The following MELK variants were observed in gnomAD, a reference collection of about 807,000 sequenced individuals.
The protein encoded by MELK is maternal embryonic leucine zipper kinase, also known as pEg3 kinase.
A neutral mutation model predicts 85.0 loss-of-function variants in MELK; 81 were observed. The ratio of observed to expected loss-of-function variants is 0.95; its 90% CI spans 0.80 to 1.15. MELK has a LOEUF of 1.15. Among genes scored for constraint, MELK ranks in the 50% most tolerant of loss-of-function variants. The pLI is 0.00. For synonymous variants in MELK, 252 were observed against 265.0 expected, an observed-to-expected ratio of 0.95 and a Z score of 0.48; for missense variants, 754 against 777.5, an observed-to-expected ratio of 0.97 and a Z score of 0.36.
chr9:36,593,173 CCTCT>C (rs1034863913), intron 4 of MELK, among the ~76,000 whole-genome samples: 1 of 145,178 alleles, frequency 6.9e-6, no homozygotes, highest in Non-Finnish European at 1.5e-5. Flanking sequence ...TAAAGAGCTT[CCTCT>C]TTTTTTTTTT....
At chr9:36,585,400 G>C (rs911155991) in intron 3 of MELK, among the ~76,000 whole-genome samples, 2 of 143,908 alleles carry the variant, frequency 1.4e-5, no homozygotes, top group Non-Finnish European at 3.0e-5. Flanking sequence ...TCTGCCTCCT[G>C]GGTTCAAATG....
At chr9:36,639,530 G>A (rs1021043689) in intron 10 of MELK, among the ~76,000 whole-genome samples, 5 of 152,316 alleles carry the variant, frequency 3.3e-5, no homozygotes, top group African/African-American at 9.6e-5. Context: ...CTGCCCTGGC[G>A]AACAGGAAAT....
chr9:36,630,309 A>G lies in MELK; in HGVS notation c.677A>G (p.Tyr226Cys). Residue 226 changes from tyrosine (Y) to cysteine (C), a missense_variant, in exon 9 of 18, where the codon TAT becomes TGT. Coordinates refer to ENST00000298048, the MANE Select transcript of MELK (RefSeq NM_014791.4). ...ALYKKIMRGK[Y>C]DVPKWLSPSS... ...GCTTTGTTTTTGTAGAGAGGAAAAT[A>G]TGATGTTCCCAAGTGGCTCTCTCCC... 2 of 1,611,932 alleles carry G rather than the reference A, an allele frequency of 1.2e-6. No individual in the cohort carries two copies. The highest frequency in any genetic ancestry group is 1.1e-5 in the South Asian group (1 of 90,972).
Position 36,653,145 on chromosome 9 carries a change from A to T in MELK, c.1053+1268A>T, listed in dbSNP as rs114788716. ...TCAGTTTTGTCATGGACTTTAAAAA[A>T]TTTTTTTGTTTTATTTTTTGAAACA... is the stretch of plus-strand genomic sequence containing the variant. On this transcript the variant is annotated intron_variant, in intron 12 of 17. Coordinates refer to ENST00000298048, the MANE Select transcript of MELK (RefSeq NM_014791.4). Among the ~76,000 whole-genome samples the T allele has an allele frequency of 5.1e-3, 782 of 152,102 alleles. 12 individuals carry two copies. Among genetic ancestry groups the T allele is most frequent in the African/African-American group, 0.017 (724 of 41,488 alleles).
At chr9:36,656,820 G>C (rs1260712203) in intron 12 of MELK, among the ~76,000 whole-genome samples, 1 of 152,136 alleles carries the variant, frequency 6.6e-6, no homozygotes, top group Non-Finnish European at 1.5e-5. Context: ...GTTTCACCGT[G>C]TTGCCCAGAC....
At chr9:36,584,719 CTTT>C (rs869168768) in intron 3 of MELK, among the ~76,000 whole-genome samples, 2 of 129,748 alleles carry the variant, frequency 1.5e-5, no homozygotes, top group Admixed American at 7.9e-5. Flanking sequence ...TATGTCCTAG[CTTT>C]TTTTTTTTTT....
intron 7 of MELK, among the ~76,000 whole-genome samples, chr9:36,603,870 A>C (rs1825174160): frequency 6.6e-6 from 1 of 152,098 alleles, no homozygotes; most frequent in Non-Finnish European, 1.5e-5. Flanking sequence ...TTTTTCTAAT[A>C]AGTGTTGGTA....
At chr9:36,622,488 C>A (rs554824763) in intron 8 of MELK, among the ~76,000 whole-genome samples, 2 of 152,246 alleles carry the variant, frequency 1.3e-5, no homozygotes, top group African/African-American at 4.8e-5. Flanking sequence ...CTATTTTAAC[C>A]AAAATGCTCA....
chr9:36,601,316 A>G (rs940162501), intron 7 of MELK, among the ~76,000 whole-genome samples: 6 of 152,096 alleles, frequency 3.9e-5, no homozygotes, highest in African/African-American at 1.4e-4. Context: ...TTTAATCTGG[A>G]AGACTTCCTT....
chr9:36,579,048 A>G (rs1257254511), intron 1 of MELK, among the ~76,000 whole-genome samples: 1 of 139,178 alleles, frequency 7.2e-6, no homozygotes, highest in East Asian at 2.1e-4. Flanking sequence ...TTTTTGTGAG[A>G]TGGAATTTCG....
chr9:36,648,564 G>T (rs1367658275), intron 11 of MELK, among the ~76,000 whole-genome samples: 3 of 152,202 alleles, frequency 2.0e-5, no homozygotes, highest in Non-Finnish European at 4.4e-5. Context: ...TTCTGAAATG[G>T]ATGCGCAAAG....
At chr9:36,638,960 C>T (rs2136799854) in intron 10 of MELK, among the ~76,000 whole-genome samples, 1 of 152,282 alleles carries the variant, frequency 6.6e-6, no homozygotes, top group Middle Eastern at 3.4e-3. Context: ...CTGATTCAAG[C>T]TCAGGGCCCA....
At chr9:36,576,617 C>T (rs1821675353) in intron 1 of MELK, among the ~76,000 whole-genome samples, 1 of 152,096 alleles carries the variant, frequency 6.6e-6, no homozygotes, top group Non-Finnish European at 1.5e-5. Flanking sequence ...CTGCAACCTC[C>T]ACCTCCTGGG....
chr9:36,662,811 A>T (rs1169285788), intron 13 of MELK, among the ~76,000 whole-genome samples: 1 of 152,066 alleles, frequency 6.6e-6, no homozygotes, highest in Admixed American at 6.5e-5. Context: ...GGCTCCTTTT[A>T]GGACCTTCTC....
chr9:36,599,039 T>C (rs1824615498), intron 6 of MELK, among the ~76,000 whole-genome samples: 1 of 152,176 alleles, frequency 6.6e-6, no homozygotes, highest in African/African-American at 2.4e-5. Flanking sequence ...TCATTGCCTG[T>C]AATCCCGGCA....
At chr9:36,585,136 A>G (rs538416095) in intron 3 of MELK, among the ~76,000 whole-genome samples, 206 of 152,172 alleles carry the variant, frequency 1.4e-3, no homozygotes, top group African/African-American at 4.7e-3. Flanking sequence ...TATCTCCTAA[A>G]GCAGCCCATT....
chr9:36,611,063 G>A (rs1258704348), intron 8 of MELK, among the ~76,000 whole-genome samples: 1 of 152,158 alleles, frequency 6.6e-6, no homozygotes. Flanking sequence ...GGCATATTCA[G>A]TCAGTAAGCG....
intron 7 of MELK, among the ~76,000 whole-genome samples, chr9:36,602,082 T>C (rs141457628): frequency 7.2e-5 from 11 of 152,334 alleles, no homozygotes; most frequent in Non-Finnish European, 1.5e-4. Flanking sequence ...TTTGGGTATA[T>C]ATTCAGAAGC....
At chr9:36,597,111 A>G (rs1824369034) in intron 5 of MELK, 111 bp from the exon 6 acceptor site, 2 of 806,514 alleles carry the variant, frequency 2.5e-6, no homozygotes, top group Non-Finnish European at 4.1e-6. Flanking sequence ...TGCTGGGATT[A>G]CAGGCATGAG....
Sources: gnomAD v4.1 joint callset for allele counts (sites outside exome capture counted in the v4.1 genomes callset) on GRCh38, gnomAD v4.1.1 for gene constraint, MANE v1.5 for transcripts, NCBI Gene and HGNC (gene_info 2026-07-23, HGNC 2026-07-21) for gene names.